The following TBC1D22A variants were observed in gnomAD, a reference collection of about 807,000 sequenced individuals.
The protein encoded by TBC1D22A is putative GTPase activator.
A neutral mutation model predicts 60.2 loss-of-function variants in TBC1D22A; 38 were observed. That is an observed-to-expected ratio of 0.63 (90% CI 0.49 to 0.83). The LOEUF (loss-of-function observed/expected upper bound fraction) is 0.83, where lower values mean the gene tolerates loss of function less well. Ranked by LOEUF, TBC1D22A falls within the 40% of genes least tolerant of loss-of-function variation. The pLI is 0.00. For synonymous variants in TBC1D22A, 302 were observed against 281.7 expected (o/e 1.07, Z -0.72); for missense variants, 628 against 701.0 (o/e 0.90, Z 1.18).
At chr22:46,858,656 G>A (rs1290472984) in intron 4 of TBC1D22A, among the ~76,000 whole-genome samples, 1 of 152,238 alleles carries the variant, frequency 6.6e-6, no homozygotes, top group Non-Finnish European at 1.5e-5. Context: ...CAGGTGGACC[G>A]AGGGGGAGCG....
intron 11 of TBC1D22A, among the ~76,000 whole-genome samples, chr22:47,087,303 T>A (rs1258843857): frequency 6.6e-6 from 1 of 152,256 alleles, no homozygotes; most frequent in Non-Finnish European, 1.5e-5. Flanking sequence ...TGACTTCTCT[T>A]CTCTGAATGT....
chr22:46,796,337 G>A (rs1395410556), intron 3 of TBC1D22A, among the ~76,000 whole-genome samples: 1 of 152,166 alleles, frequency 6.6e-6, no homozygotes, highest in African/African-American at 2.4e-5. Flanking sequence ...CCACTCCCAG[G>A]TTATAAGGGA....
chr22:47,155,161 A>T (rs1473185500), intron 12 of TBC1D22A, among the ~76,000 whole-genome samples: 1 of 152,046 alleles, frequency 6.6e-6, no homozygotes, highest in Non-Finnish European at 1.5e-5. Context: ...CTCCATGCCG[A>T]GCCCATGTTT....
intron 4 of TBC1D22A, among the ~76,000 whole-genome samples, chr22:46,849,037 A>T (rs1011307293): frequency 1.3e-5 from 2 of 152,086 alleles, no homozygotes; most frequent in Admixed American, 6.5e-5. Flanking sequence ...CAGATCCTGG[A>T]TTCACCACTT....
At chr22:46,947,041 C>T (rs2072590255) in intron 8 of TBC1D22A, among the ~76,000 whole-genome samples, 1 of 152,138 alleles carries the variant, frequency 6.6e-6, no homozygotes, top group South Asian at 2.1e-4. Flanking sequence ...GGATTTGAGG[C>T]CGAGGGGTCT....
At chr22:47,159,195 G>A (rs538347167) in intron 12 of TBC1D22A, among the ~76,000 whole-genome samples, 78 of 135,882 alleles carry the variant, frequency 5.7e-4, no homozygotes, top group African/African-American at 1.2e-3. Flanking sequence ...CACACACCAC[G>A]CACACACACC....
At chr22:47,153,530 T>C (rs1045444168) in intron 12 of TBC1D22A, among the ~76,000 whole-genome samples, 1 of 138,838 alleles carries the variant, frequency 7.2e-6, no homozygotes, top group African/African-American at 2.8e-5. Flanking sequence ...CTGGGGGAGG[T>C]GGGTTCGAGG....
At chr22:46,809,433 C>G (rs557141506) in intron 4 of TBC1D22A, among the ~76,000 whole-genome samples, 3 of 152,182 alleles carry the variant, frequency 2.0e-5, no homozygotes, top group Non-Finnish European at 2.9e-5. Flanking sequence ...CTGGGAGAGG[C>G]CTTCAACATA....
At chr22:47,136,606 T>TGA (rs879864719) in intron 12 of TBC1D22A, among the ~76,000 whole-genome samples, 47,232 of 151,882 alleles carry the variant, frequency 0.31, 7,757 homozygotes, top group East Asian at 0.6. Context: ...GAGCCAACCC[T>TGA]GGGCCATGTG....
At chr22:46,967,115 A>G (rs982411454) in intron 8 of TBC1D22A, among the ~76,000 whole-genome samples, 1 of 152,206 alleles carries the variant, frequency 6.6e-6, no homozygotes, top group African/African-American at 2.4e-5. Context: ...ACAGCCGTGG[A>G]GCAGAGTCGG....
intron 1 of TBC1D22A, among the ~76,000 whole-genome samples, chr22:46,770,306 C>T (rs1043128400): frequency 2.6e-5 from 4 of 152,198 alleles, no homozygotes; most frequent in Admixed American, 6.5e-5. Flanking sequence ...TGAATTCTGC[C>T]GCCAACCGGA....
At chr22:47,017,642 G>A (rs1459501654) in intron 10 of TBC1D22A, among the ~76,000 whole-genome samples, 1 of 152,198 alleles carries the variant, frequency 6.6e-6, no homozygotes, top group Non-Finnish European at 1.5e-5. Flanking sequence ...TCAGAAAACG[G>A]AGGAAATTGT....
At chr22:47,123,511 G>C (rs1011184416) in intron 12 of TBC1D22A, among the ~76,000 whole-genome samples, 2 of 152,196 alleles carry the variant, frequency 1.3e-5, no homozygotes, top group African/African-American at 2.4e-5. Flanking sequence ...TCACACCCAG[G>C]ACCCATTTAG....
intron 4 of TBC1D22A, among the ~76,000 whole-genome samples, chr22:46,861,930 G>A (rs2087911161): frequency 6.6e-6 from 1 of 152,250 alleles, no homozygotes; most frequent in African/African-American, 2.4e-5. Flanking sequence ...CCCTGGCCCT[G>A]TTTCTCCCTT....
chr22:47,165,672 G>A (rs1003707263), intron 12 of TBC1D22A, among the ~76,000 whole-genome samples: 5 of 152,134 alleles, frequency 3.3e-5, no homozygotes, highest in Non-Finnish European at 7.4e-5. Flanking sequence ...CAGCCTGTCC[G>A]CTCCTCAGGT....
chr22:47,124,628 A>C (rs531914726), intron 12 of TBC1D22A, among the ~76,000 whole-genome samples: 1 of 152,352 alleles, frequency 6.6e-6, no homozygotes, highest in East Asian at 1.9e-4. Context: ...CCTCTCAGCC[A>C]CAGGTGGCAC....
chr22:46,877,588 C>T (rs898857775), intron 4 of TBC1D22A, among the ~76,000 whole-genome samples: 2 of 152,164 alleles, frequency 1.3e-5, no homozygotes, highest in Non-Finnish European at 2.9e-5. Flanking sequence ...CTGCGACTAT[C>T]GCCCAATTAT....
chr22:46,906,258 A>T (rs2069457449), intron 7 of TBC1D22A, among the ~76,000 whole-genome samples: 1 of 152,176 alleles, frequency 6.6e-6, no homozygotes, highest in Admixed American at 6.5e-5. Context: ...CTATCGTTGG[A>T]GGGAGATAAG....
intron 11 of TBC1D22A, among the ~76,000 whole-genome samples, chr22:47,098,557 C>T (rs1033298062): frequency 6.6e-6 from 1 of 152,130 alleles, no homozygotes; most frequent in African/African-American, 2.4e-5. Flanking sequence ...GGCAAGGCAT[C>T]CCCCCGACTC....
Sources: gnomAD v4.1 joint callset for allele counts (sites outside exome capture counted in the v4.1 genomes callset) on GRCh38, gnomAD v4.1.1 for gene constraint, MANE v1.5 for transcripts, NCBI Gene and HGNC (gene_info 2026-07-23, HGNC 2026-07-21) for gene names.